RARB: variants seen among roughly 807,000 people sequenced by gnomAD.
RARB encodes retinoic acid receptor beta.
A neutral mutation model predicts 51.9 loss-of-function variants in RARB; 17 were observed. The ratio of observed to expected loss-of-function variants is 0.33; its 90% CI spans 0.22 to 0.49. The LOEUF (loss-of-function observed/expected upper bound fraction) is 0.49. Among genes scored for constraint, RARB ranks in the 20% least tolerant of loss-of-function variants. The probability of loss-of-function intolerance (pLI) is 0.99; values close to 1 mark genes in which losing one functional copy is unlikely to be tolerated. For missense variants in RARB, 369 were observed against 550.8 expected, an observed-to-expected ratio of 0.67 and a Z score of 3.30; for synonymous variants, 215 against 195.4, an observed-to-expected ratio of 1.10 and a Z score of -0.84.
At chr3:25,502,335 C>T (rs137977339) in intron 3 of RARB, among the ~76,000 whole-genome samples, 144 of 152,294 alleles carry the variant, frequency 9.5e-4, no homozygotes, top group African/African-American at 3.0e-3. Flanking sequence ...AACTGGGAAA[C>T]GTGACCCTTG....
At chr3:25,100,084 G>C (rs1311470056) in intron 3 of RARB, among the ~76,000 whole-genome samples, 1 of 152,148 alleles carries the variant, frequency 6.6e-6, no homozygotes, top group Admixed American at 6.5e-5. Context: ...AGGTAACAAA[G>C]TGCTCATTCA....
At chr3:24,894,092 TTA>T (rs1215171370) in intron 2 of RARB, among the ~76,000 whole-genome samples, 3 of 152,154 alleles carry the variant, frequency 2.0e-5, no homozygotes, top group Admixed American at 1.3e-4. Flanking sequence ...TTGAGAATCT[TTA>T]TGTGTGAATT....
At chr3:25,007,605 C>CAAAAAAAAAAAAAAAAAAAAAAAAAAAA (rs1279154112) in intron 2 of RARB, among the ~76,000 whole-genome samples, 1 of 60,640 alleles carries the variant, frequency 1.6e-5, no homozygotes, top group African/African-American at 5.8e-5. Context: ...AAAAAAAAAA[C>CAAAAAAAAAAAAAAAAAAAAAAAAAAAA]AAAAAAACCT....
At chr3:24,877,995 T>A (rs983730649) in intron 2 of RARB, among the ~76,000 whole-genome samples, 2 of 152,214 alleles carry the variant, frequency 1.3e-5, no homozygotes, top group Non-Finnish European at 2.9e-5. Flanking sequence ...CAACTCGGTT[T>A]CCTATTGACA....
chr3:25,127,477 G>A (rs1378922605), intron 3 of RARB, among the ~76,000 whole-genome samples: 13 of 152,106 alleles, frequency 8.5e-5, no homozygotes, highest in East Asian at 1.9e-4. Context: ...CAATTTTTCC[G>A]TATTTCATCT....
intron 5 of RARB, among the ~76,000 whole-genome samples, chr3:25,234,391 T>C (rs1702254907): frequency 6.6e-6 from 1 of 152,160 alleles, no homozygotes; most frequent in South Asian, 2.1e-4. Context: ...TATTAGTAAG[T>C]TGCATCTCCT....
intron 5 of RARB, among the ~76,000 whole-genome samples, chr3:25,385,862 T>C (rs2125483256): frequency 6.6e-6 from 1 of 152,224 alleles, no homozygotes; most frequent in Non-Finnish European, 1.5e-5. Context: ...GCACGTGACC[T>C]AAGAAGGAGC....
intron 5 of RARB, among the ~76,000 whole-genome samples, chr3:25,409,976 C>A: frequency 6.6e-6 from 1 of 152,188 alleles, no homozygotes; most frequent in South Asian, 2.1e-4. Flanking sequence ...GTGTGTGCAT[C>A]AGTTTCTCAT....
chr3:25,459,999 T>G (rs1317562266), intron 1 of RARB, among the ~76,000 whole-genome samples: 1 of 152,204 alleles, frequency 6.6e-6, no homozygotes. Context: ...CGTTCTTATA[T>G]TTTGTGAACT....
intron 5 of RARB, among the ~76,000 whole-genome samples, chr3:25,220,776 G>A (rs532393480): frequency 4.6e-5 from 7 of 152,134 alleles, no homozygotes; most frequent in South Asian, 4.1e-4. Flanking sequence ...ACCCAGTCTC[G>A]GGCAGTTCTT....
intron 4 of RARB, among the ~76,000 whole-genome samples, chr3:25,571,889 A>G (rs1191841893): frequency 6.6e-6 from 1 of 152,246 alleles, no homozygotes; most frequent in Admixed American, 6.5e-5. Context: ...CGTACCTTCT[A>G]CTGGATACTA....
intron 3 of RARB, among the ~76,000 whole-genome samples, chr3:25,103,796 G>A (rs960199257): frequency 1.3e-5 from 2 of 152,170 alleles, no homozygotes; most frequent in African/African-American, 2.4e-5. Flanking sequence ...CATTTTGATG[G>A]CAGATCTTAG....
chr3:25,585,631 T>G (rs1045546072), intron 5 of RARB, among the ~76,000 whole-genome samples: 1 of 152,204 alleles, frequency 6.6e-6, no homozygotes, highest in Admixed American at 6.5e-5. Context: ...GCCACAGTGA[T>G]GCGTGGGTGG....
chr3:25,130,064 G>T (rs893029475), intron 3 of RARB, among the ~76,000 whole-genome samples: 4 of 151,940 alleles, frequency 2.6e-5, no homozygotes, highest in Non-Finnish European at 5.9e-5. Flanking sequence ...CCTTAGTATG[G>T]GAAACTATAG....
chr3:25,333,661 G>A (rs1457909839), intron 5 of RARB, among the ~76,000 whole-genome samples: 5 of 152,178 alleles, frequency 3.3e-5, no homozygotes, highest in Admixed American at 6.5e-5. Context: ...GGCAACAAAA[G>A]CCAAAATTGA....
chr3:25,247,669 C>T (rs1200811730), intron 5 of RARB, among the ~76,000 whole-genome samples: 2 of 152,244 alleles, frequency 1.3e-5, no homozygotes, highest in African/African-American at 2.4e-5. Flanking sequence ...TAACCAATCC[C>T]AATGACATGA....
At chr3:25,163,469 C>A (rs1395269958) in intron 4 of RARB, among the ~76,000 whole-genome samples, 1 of 147,226 alleles carries the variant, frequency 6.8e-6, no homozygotes, top group Non-Finnish European at 1.5e-5. Context: ...CATGCCACTG[C>A]ACACCAGCCT....
intron 2 of RARB, among the ~76,000 whole-genome samples, chr3:24,981,646 T>C (rs4511858): frequency 0.9 from 136,284 of 152,104 alleles, 61,232 homozygotes; most frequent in African/African-American, 0.95. Context: ...GGGAAAAGCA[T>C]AGTATTTGGG....
chr3:25,172,023 A>G (rs1157505907), intron 4 of RARB, among the ~76,000 whole-genome samples: 1 of 152,178 alleles, frequency 6.6e-6, no homozygotes, highest in African/African-American at 2.4e-5. Flanking sequence ...AGGCATTGAA[A>G]TTTTGGGTGG....
Sources: allele counts gnomAD v4.1 joint callset (sites outside exome capture counted in the v4.1 genomes callset), GRCh38; gene constraint gnomAD v4.1.1; transcripts MANE v1.5; gene names NCBI Gene and HGNC (gene_info 2026-07-23, HGNC 2026-07-21).